The following COQ5 variants were observed in gnomAD, a reference collection of about 807,000 sequenced individuals.
The protein encoded by COQ5 is coenzyme Q5, methyltransferase.
A neutral mutation model predicts 40.5 loss-of-function variants in COQ5; 27 were observed. The observed-to-expected ratio is 0.67, with a 90% CI of 0.49 to 0.92. The LOEUF is 0.92. Ranked by LOEUF, COQ5 falls within the 40% of genes least tolerant of loss-of-function variation. The pLI, the probability that COQ5 is intolerant of heterozygous loss-of-function variation, is 0.00. For missense variants in COQ5, 409 were observed against 406.4 expected, an observed-to-expected ratio of 1.01 and a Z score of -0.06; for synonymous variants, 141 against 150.0, an observed-to-expected ratio of 0.94 and a Z score of 0.44.
chr12:120,509,980 TGA>T lies in COQ5; in HGVS notation c.681+35_681+36del. 2.0e-6 allele frequency: 3 copies of T among 1,503,568 alleles called. No individual in the cohort carries two copies. The South Asian group carries it at 3.4e-5, about 17-fold the overall frequency. 93.1% of individuals were successfully genotyped at this position (1,503,568 alleles called of 1,614,324 possible). On this transcript the variant is annotated intron_variant, in intron 4 of 6. Coordinates refer to ENST00000288532, the MANE Select transcript of COQ5 (RefSeq NM_032314.4). Reference sequence around the variant, plus strand: ...TAGCTCTACAACAGAGGTAATTTCCTGAGAGTCATACAAGCTGAGGATGCAGC... The same window carrying T: ...TAGCTCTACAACAGAGGTAATTTCCTGAGTCATACAAGCTGAGGATGCAGC...
chr12:120,525,438 G>A lies in COQ5; in HGVS notation c.203-3075C>T, dbSNP rs868358431. 2.1e-4 allele frequency among the ~76,000 whole-genome samples: 32 copies of A among 152,090 alleles called. 1 individual carries two copies. The highest frequency in any genetic ancestry group is 6.3e-4 in the African/African-American group (26 of 41,436). Reference sequence around the variant, plus strand: ...TTTTGGGGTGTCTGGGGGACACTAAGGCTAACCCCACTCGGTATAAATAGT... The same window carrying A: ...TTTTGGGGTGTCTGGGGGACACTAAAGCTAACCCCACTCGGTATAAATAGT... On this transcript the variant is annotated intron_variant, in intron 1 of 6. Coordinates refer to ENST00000288532, the MANE Select transcript of COQ5 (RefSeq NM_032314.4).
At chr12:120,522,721 C>T in intron 1 of COQ5, 1 of 657,792 alleles carries the variant, frequency 1.5e-6, no homozygotes, top group South Asian at 1.8e-5. Flanking sequence ...GAGCTGCAGC[C>T]TGGGCCTTGG....
intron 3 of COQ5, among the ~76,000 whole-genome samples, chr12:120,512,401 G>C (rs1175190029): frequency 6.6e-6 from 1 of 151,912 alleles, no homozygotes; most frequent in African/African-American, 2.4e-5. Flanking sequence ...AAGAGTTCGA[G>C]ACCAGCCTGG....
chr12:120,522,460 C>G (rs1869713944), intron 1 of COQ5, 97 bp from the exon 2 acceptor site: 8 of 1,214,282 alleles, frequency 6.6e-6, no homozygotes, highest in Non-Finnish European at 9.7e-6. Context: ...CCTGAAATGA[C>G]CTGGCTTTGC....
chr12:120,522,659 A>G (rs548045416), intron 1 of COQ5: 32 of 657,784 alleles, frequency 4.9e-5, no homozygotes, highest in Admixed American at 2.9e-4. Flanking sequence ...AGACAGAGAT[A>G]TCTACTCTGA....
intron 2 of COQ5, 115 bp from the exon 3 acceptor site, chr12:120,516,903 T>C: frequency 3.4e-6 from 3 of 886,470 alleles, no homozygotes; most frequent in Non-Finnish European, 3.8e-6. Flanking sequence ...CTGTGTTAGC[T>C]AACTGGATGC....
chr12:120,509,817 G>A (rs927477825), intron 4 of COQ5, 200 bp downstream of exon 4: 8 of 596,446 alleles, frequency 1.3e-5, no homozygotes, highest in African/African-American at 5.5e-5. Context: ...GTGGGTTCCT[G>A]TAAGGTTCCT....
At chr12:120,519,811 G>A (rs1029704736) in intron 2 of COQ5, among the ~76,000 whole-genome samples, 1 of 150,814 alleles carries the variant, frequency 6.6e-6, no homozygotes, top group Non-Finnish European at 1.5e-5. Flanking sequence ...CAGAGGTTGC[G>A]GTGAGCCGAA....
At chr12:120,515,156 A>G (rs921605157) in intron 3 of COQ5, among the ~76,000 whole-genome samples, 12 of 151,888 alleles carry the variant, frequency 7.9e-5, no homozygotes, top group Non-Finnish European at 1.0e-4. Flanking sequence ...CAGTGGCATG[A>G]TCATGGCTCA....
At position 120,503,494 on chromosome 12, in the gene COQ5, TA is replaced by T. The variant is rs893742428; in HGVS notation, c.*289del. On this transcript the variant is annotated 3_prime_UTR_variant, in exon 7 of 7. Transcript: ENST00000288532. ...ATACACTCACTTCAAAACTGAGCTT[TA>T]GGGGTGGTTGTACCTTAACCACACA... 7.4e-6 allele frequency: 4 copies of T among 544,064 alleles called. No individual in the cohort carries two copies. Among genetic ancestry groups the T allele is most frequent in the Non-Finnish European group, 1.4e-5 (4 of 284,168 alleles). The allele number at this position is 544,064 out of a possible 1,614,324, so 33.7% of individuals were successfully genotyped here.
intron 4 of COQ5, among the ~76,000 whole-genome samples, chr12:120,507,906 A>G (rs1484451909): frequency 2.0e-5 from 3 of 151,452 alleles, no homozygotes; most frequent in Non-Finnish European, 4.4e-5. Context: ...TAATAATAAT[A>G]AAATAAAAAA....
chr12:120,518,262 C>T (rs139249563), intron 2 of COQ5, among the ~76,000 whole-genome samples: 4 of 151,848 alleles, frequency 2.6e-5, no homozygotes, highest in South Asian at 2.1e-4. Context: ...TCAGTCTCTA[C>T]GAAAAAAATT....
chr12:120,513,501 C>CAAAACAAAAAA (rs1869237092), intron 3 of COQ5, among the ~76,000 whole-genome samples: 1 of 62,062 alleles, frequency 1.6e-5, no homozygotes. Context: ...GACTCCGTCT[C>CAAAACAAAAAA]AAAAAAAAAA....
intron 2 of COQ5, among the ~76,000 whole-genome samples, chr12:120,519,870 CAA>C (rs1176340696): frequency 0.3 from 29,488 of 99,788 alleles, 3,492 homozygotes; most frequent in East Asian, 0.48. Context: ...GACTTGGACT[CAA>C]AAAAAAAAAA....
intron 2 of COQ5, 67 bp downstream of exon 2, chr12:120,522,147 T>C (rs887270019): frequency 2.6e-6 from 4 of 1,563,114 alleles, no homozygotes; most frequent in Non-Finnish European, 3.5e-6. Flanking sequence ...AGCTAGCTCA[T>C]TACAAGAGAG....
At chr12:120,526,768 G>A (rs1869970996) in intron 1 of COQ5, 2 of 192,456 alleles carry the variant, frequency 1.0e-5, no homozygotes, top group South Asian at 1.2e-4. Flanking sequence ...AGGCTGGAGT[G>A]TAGTGGCAGG....
At chr12:120,528,019 A>AAAAG (rs1257530867) in intron 1 of COQ5, among the ~76,000 whole-genome samples, 2 of 134,020 alleles carry the variant, frequency 1.5e-5, no homozygotes, top group East Asian at 2.1e-4. Flanking sequence ...AAAAAAAAAA[A>AAAAG]AAAGAAACCC....
rs148140913 is a variant in COQ5 at position 120,512,904 on chromosome 12, A to G, written c.575-2781T>C. Among the ~76,000 whole-genome samples, 1,466 of 151,988 alleles carry G rather than the reference A, an allele frequency of 9.6e-3. 24 individuals are homozygous for G. The highest frequency in any genetic ancestry group is 0.034 in the African/African-American group (1,403 of 41,532). ...AAAACCCTATCTCTAATAAAAATAC[A>G]AAAATTAGCCAGGCATGGTGGCATA... is the stretch of plus-strand genomic sequence containing the variant. On this transcript the variant is annotated intron_variant, in intron 3 of 6. Transcript: ENST00000288532.
intron 2 of COQ5, among the ~76,000 whole-genome samples, chr12:120,517,260 G>A (rs1470435629): frequency 1.3e-5 from 2 of 152,000 alleles, no homozygotes; most frequent in African/African-American, 4.8e-5. Context: ...CCTGCGGCAG[G>A]AGAATAGCTT....
Sources: allele counts gnomAD v4.1 joint callset (sites outside exome capture counted in the v4.1 genomes callset), GRCh38; gene constraint gnomAD v4.1.1; transcripts MANE v1.5; gene names NCBI Gene and HGNC (gene_info 2026-07-23, HGNC 2026-07-21).